RNF150: variants seen among roughly 807,000 people sequenced by gnomAD.
The protein encoded by RNF150 is ring finger protein 150.
A neutral mutation model predicts 39.3 loss-of-function variants in RNF150; 24 were observed. The observed-to-expected ratio is 0.61, with a 90% CI of 0.44 to 0.86. The LOEUF (loss-of-function observed/expected upper bound fraction) is 0.86, where lower values mean the gene tolerates loss of function less well. Ranked by LOEUF, RNF150 falls within the 40% of genes least tolerant of loss-of-function variation. RNF150 has a pLI of 0.00. For synonymous variants in RNF150, 255 were observed against 227.3 expected, an observed-to-expected ratio of 1.12 and a Z score of -1.10; for missense variants, 502 against 587.8, an observed-to-expected ratio of 0.85 and a Z score of 1.51.
intron 6 of RNF150, among the ~76,000 whole-genome samples, chr4:140,881,217 C>T (rs892874354): frequency 6.6e-6 from 1 of 151,146 alleles, no homozygotes; most frequent in Non-Finnish European, 1.5e-5. Flanking sequence ...GGCTGGAATG[C>T]AGTGGCATGA....
intron 1 of RNF150, among the ~76,000 whole-genome samples, chr4:141,197,087 G>A (rs10007007): frequency 0.29 from 43,718 of 151,826 alleles, 6,699 homozygotes; most frequent in African/African-American, 0.39. Flanking sequence ...ACTCCTTTGC[G>A]CTATTTCCTT....
At chr4:141,160,203 C>G (rs1727486398) in intron 1 of RNF150, among the ~76,000 whole-genome samples, 1 of 152,072 alleles carries the variant, frequency 6.6e-6, no homozygotes, top group Non-Finnish European at 1.5e-5. Flanking sequence ...AAAATTTTAA[C>G]ATACCATAAG....
intron 1 of RNF150, among the ~76,000 whole-genome samples, chr4:141,151,657 T>C (rs1727305105): frequency 6.6e-6 from 1 of 152,188 alleles, no homozygotes; most frequent in African/African-American, 2.4e-5. Flanking sequence ...ACATTTTACC[T>C]TAGAATAGAA....
At chr4:140,931,801 A>G (rs957691787) in intron 4 of RNF150, among the ~76,000 whole-genome samples, 18 of 152,268 alleles carry the variant, frequency 1.2e-4, no homozygotes, top group African/African-American at 3.9e-4. Context: ...GATGCAGACA[A>G]CTGCATAATG....
intron 1 of RNF150, among the ~76,000 whole-genome samples, chr4:141,194,062 A>C (rs1284125745): frequency 4.6e-5 from 7 of 152,344 alleles, no homozygotes; most frequent in African/African-American, 1.4e-4. Flanking sequence ...TGAACATGCC[A>C]TTTGAAACAC....
chr4:141,137,954 G>C (rs1386908846), upstream of RNF150, among the ~76,000 whole-genome samples: 3 of 152,174 alleles, frequency 2.0e-5, no homozygotes, highest in African/African-American at 7.2e-5. Flanking sequence ...TATTTCATAA[G>C]AGGTAGAGGC....
At chr4:140,883,474 ACTCT>A (rs1729449594) in intron 6 of RNF150, among the ~76,000 whole-genome samples, 1 of 151,212 alleles carries the variant, frequency 6.6e-6, no homozygotes, top group African/African-American at 2.4e-5. Context: ...GTGATGACAA[ACTCT>A]CTCAGCTTTT....
At chr4:140,980,849 G>A (rs1733837344) in intron 1 of RNF150, among the ~76,000 whole-genome samples, 1 of 152,114 alleles carries the variant, frequency 6.6e-6, no homozygotes, top group African/African-American at 2.4e-5. Context: ...CATGAGAACA[G>A]ACTAATACAT....
chr4:141,040,557 T>A (rs1415261557), intron 1 of RNF150, among the ~76,000 whole-genome samples: 4 of 152,106 alleles, frequency 2.6e-5, no homozygotes, highest in Non-Finnish European at 5.9e-5. Flanking sequence ...GTAAGTAGGG[T>A]GATCAAATAA....
intron 1 of RNF150, among the ~76,000 whole-genome samples, chr4:141,188,146 C>A (rs1728045306): frequency 6.6e-6 from 1 of 152,160 alleles, no homozygotes; most frequent in Non-Finnish European, 1.5e-5. Context: ...GTTGAAAATT[C>A]TTTTCTTTAA....
chr4:141,124,973 G>A (rs1578752508), intron 1 of RNF150, among the ~76,000 whole-genome samples: 2 of 152,060 alleles, frequency 1.3e-5, no homozygotes, highest in African/African-American at 4.8e-5. Flanking sequence ...TCTGACAAAC[G>A]ACACTTACTT....
intron 1 of RNF150, among the ~76,000 whole-genome samples, chr4:141,071,979 T>C (rs980349497): frequency 3.9e-5 from 6 of 152,202 alleles, no homozygotes; most frequent in Non-Finnish European, 7.4e-5. Flanking sequence ...CAGTACTATT[T>C]AAACTTAATT....
chr4:140,961,065 A>G (rs1026014463), intron 2 of RNF150, among the ~76,000 whole-genome samples: 7 of 152,220 alleles, frequency 4.6e-5, no homozygotes, highest in Non-Finnish European at 1.0e-4. Flanking sequence ...TCTGACTCCA[A>G]AGTTGGTATC....
intron 1 of RNF150, among the ~76,000 whole-genome samples, chr4:141,166,728 C>T (rs543927448): frequency 6.6e-5 from 10 of 152,110 alleles, no homozygotes; most frequent in East Asian, 3.9e-4. Context: ...AAAAGACCTT[C>T]GATAAAATTC....
intron 1 of RNF150, among the ~76,000 whole-genome samples, chr4:141,025,646 A>T (rs1161515982): frequency 6.6e-6 from 1 of 152,182 alleles, no homozygotes; most frequent in Non-Finnish European, 1.5e-5. Flanking sequence ...AGATACATAA[A>T]AAGTAGACCA....
At chr4:140,884,403 C>T (rs10009123) in intron 6 of RNF150, among the ~76,000 whole-genome samples, 3,262 of 152,182 alleles carry the variant, frequency 0.021, 131 homozygotes, top group African/African-American at 0.069. Context: ...AATTATCTGC[C>T]ACTTCTCCCA....
At chr4:141,080,959 C>T (rs901580302) in intron 1 of RNF150, among the ~76,000 whole-genome samples, 12 of 152,162 alleles carry the variant, frequency 7.9e-5, no homozygotes, top group African/African-American at 2.7e-4. Context: ...GCAGGTACGG[C>T]TCTGGGTGGA....
At chr4:140,970,545 G>A (rs1488218504) in intron 1 of RNF150, among the ~76,000 whole-genome samples, 3 of 142,654 alleles carry the variant, frequency 2.1e-5, no homozygotes, top group Non-Finnish European at 4.5e-5. Context: ...TTCTGGACCT[G>A]GACAGCTTGT....
intron 1 of RNF150, among the ~76,000 whole-genome samples, chr4:141,118,882 T>C (rs907956887): frequency 9.2e-5 from 14 of 152,220 alleles, no homozygotes; most frequent in African/African-American, 3.1e-4. Flanking sequence ...TGCCTCAGCC[T>C]CCCGGGTAGC....
Sources: allele counts gnomAD v4.1 joint callset (sites outside exome capture counted in the v4.1 genomes callset), GRCh38; gene constraint gnomAD v4.1.1; transcripts MANE v1.5; gene names NCBI Gene and HGNC (gene_info 2026-07-23, HGNC 2026-07-21).